AFG2A: variants seen among roughly 807,000 people sequenced by gnomAD.
AFG2A encodes AAA ATPase AFG2A, also known as ATPase family gene 2 protein homolog A.
At chr4:123,016,233 C>G in the AFG2A span, among the ~76,000 whole-genome samples, 3 of 148,160 alleles carry the variant, frequency 2.0e-5, no homozygotes, top group Admixed American at 1.3e-4. Context: ...ACCTCCCTCC[C>G]GGACGGGGCG....
chr4:123,107,731 C>A, the AFG2A span, among the ~76,000 whole-genome samples: 4 of 152,214 alleles, frequency 2.6e-5, no homozygotes, highest in African/African-American at 9.6e-5. Flanking sequence ...TATGGCAAAC[C>A]ACCCTCAGCC....
chr4:123,010,287 TTAGGAAGC>T, the AFG2A span, among the ~76,000 whole-genome samples: 1 of 152,226 alleles, frequency 6.6e-6, no homozygotes, highest in Admixed American at 6.5e-5. Flanking sequence ...GTCAGACCTT[TTAGGAAGC>T]TATACTTGAC....
At chr4:122,985,040 A>G in the AFG2A span, among the ~76,000 whole-genome samples, 1 of 151,798 alleles carries the variant, frequency 6.6e-6, no homozygotes, top group African/African-American at 2.4e-5. Context: ...AAGGATTGGT[A>G]CCAGTTCTTC....
At chr4:123,126,679 TCTC>T in the AFG2A span, among the ~76,000 whole-genome samples, 2 of 152,280 alleles carry the variant, frequency 1.3e-5, no homozygotes, top group Middle Eastern at 3.4e-3. Context: ...CTCTCATTCT[TCTC>T]CTTCCTGCCA....
the AFG2A span, among the ~76,000 whole-genome samples, chr4:123,300,598 C>G: frequency 1.3e-5 from 2 of 152,120 alleles, no homozygotes; most frequent in African/African-American, 4.8e-5. Context: ...AACATCAACA[C>G]CTGTATGCAT....
At chr4:123,196,092 C>A in the AFG2A span, among the ~76,000 whole-genome samples, 1 of 151,426 alleles carries the variant, frequency 6.6e-6, no homozygotes, top group African/African-American at 2.4e-5. Flanking sequence ...GCTCCGCCTC[C>A]CAGGTTCACG....
chr4:123,249,839 T>TGG, the AFG2A span, among the ~76,000 whole-genome samples: 1 of 152,210 alleles, frequency 6.6e-6, no homozygotes, highest in Non-Finnish European at 1.5e-5. Flanking sequence ...TAGCCAGGTC[T>TGG]ATGCATTAGT....
the AFG2A span, among the ~76,000 whole-genome samples, chr4:123,304,548 G>A: frequency 6.6e-6 from 1 of 152,192 alleles, no homozygotes; most frequent in African/African-American, 2.4e-5. Context: ...ATCGCCAGCT[G>A]CAGCCCAATT....
chr4:123,217,173 CAT>C, the AFG2A span, among the ~76,000 whole-genome samples: 1 of 152,146 alleles, frequency 6.6e-6, no homozygotes, highest in Non-Finnish European at 1.5e-5. Context: ...AAATGTCAGT[CAT>C]ATTCCCATCC....
At chr4:123,286,596 C>T in the AFG2A span, among the ~76,000 whole-genome samples, 3 of 152,120 alleles carry the variant, frequency 2.0e-5, no homozygotes, top group African/African-American at 7.2e-5. Flanking sequence ...TTTTTACTTA[C>T]AAAACCTTTA....
the AFG2A span, among the ~76,000 whole-genome samples, chr4:123,066,731 T>C: frequency 6.6e-6 from 1 of 152,222 alleles, no homozygotes; most frequent in East Asian, 1.9e-4. Flanking sequence ...GGCATTTTTC[T>C]GGTAAACAGT....
chr4:123,025,157 G>A, the AFG2A span, among the ~76,000 whole-genome samples: 2 of 152,166 alleles, frequency 1.3e-5, no homozygotes. Flanking sequence ...GTCTGTTACC[G>A]CTGTTAACAG....
chr4:123,017,348 A>G, the AFG2A span, among the ~76,000 whole-genome samples: 1 of 146,624 alleles, frequency 6.8e-6, no homozygotes, highest in African/African-American at 2.5e-5. Flanking sequence ...TGAAACTGGA[A>G]CTTTTGACTT....
the AFG2A span, among the ~76,000 whole-genome samples, chr4:123,066,442 C>A: frequency 6.6e-6 from 1 of 152,002 alleles, no homozygotes; most frequent in Admixed American, 6.5e-5. Flanking sequence ...TCTAGTACAA[C>A]CTTTTATTTT....
chr4:122,976,375 G>A, the AFG2A span, among the ~76,000 whole-genome samples: 1 of 152,194 alleles, frequency 6.6e-6, no homozygotes, highest in South Asian at 2.1e-4. Flanking sequence ...CAAGCAAATA[G>A]CAAAGACAAA....
chr4:122,931,279 A>G, the AFG2A span, among the ~76,000 whole-genome samples: 6 of 152,130 alleles, frequency 3.9e-5, no homozygotes, highest in East Asian at 1.2e-3. Flanking sequence ...TCATTAGTTT[A>G]TACATATATT....
the AFG2A span, among the ~76,000 whole-genome samples, chr4:123,003,281 A>G: frequency 4.6e-5 from 7 of 152,214 alleles, no homozygotes; most frequent in African/African-American, 1.4e-4. Flanking sequence ...TAGTTTGATC[A>G]TTTGAAGCCT....
the AFG2A span, among the ~76,000 whole-genome samples, chr4:123,059,201 G>A: frequency 1.3e-5 from 2 of 148,414 alleles, no homozygotes; most frequent in African/African-American, 5.0e-5. Context: ...TGTGCACAAT[G>A]TGCAGGTTAG....
the AFG2A span, among the ~76,000 whole-genome samples, chr4:122,948,407 C>CACACAT: frequency 6.6e-6 from 1 of 151,028 alleles, no homozygotes; most frequent in South Asian, 2.1e-4. Context: ...CACACACACA[C>CACACAT]ACACACACAC....
Sources: allele counts gnomAD v4.1 joint callset (sites outside exome capture counted in the v4.1 genomes callset), GRCh38; gene constraint gnomAD v4.1.1; transcripts MANE v1.5; gene names NCBI Gene and HGNC (gene_info 2026-07-23, HGNC 2026-07-21).